PRKCB: variants seen among roughly 807,000 people sequenced by gnomAD.
PRKCB encodes the protein protein kinase C beta.
PRKCB carries 13 observed loss-of-function variants against 81.5 expected under a neutral mutation model. The ratio of observed to expected loss-of-function variants is 0.16; its 90% CI spans 0.10 to 0.25. PRKCB has a LOEUF of 0.25. PRKCB is among the 10% of genes least tolerant of loss of function. The probability of loss-of-function intolerance (pLI) is 1.00; values close to 1 mark genes in which losing one functional copy is unlikely to be tolerated. For missense variants in PRKCB, 509 were observed against 875.7 expected, an observed-to-expected ratio of 0.58 and a Z score of 5.29; for synonymous variants, 335 against 321.4, an observed-to-expected ratio of 1.04 and a Z score of -0.45.
At chr16:24,039,411 G>A (rs546152695) in intron 5 of PRKCB, among the ~76,000 whole-genome samples, 1 of 152,018 alleles carries the variant, frequency 6.6e-6, no homozygotes, top group South Asian at 2.1e-4. Flanking sequence ...TTTATTTTTA[G>A]TAGAGACGGA....
At position 24,074,526 on chromosome 16, in the gene PRKCB, C is replaced by T. The variant is rs146551822; in HGVS notation, c.530-18265C>T. Among the ~76,000 whole-genome samples the T allele has an allele frequency of 6.5e-3, 994 of 152,220 alleles. 16 individuals are homozygous for T. Among genetic ancestry groups the T allele is most frequent in the African/African-American group, 0.023 (944 of 41,530 alleles). On this transcript the variant is annotated intron_variant, in intron 5 of 16. Transcript: ENST00000643927. ...GCTCATATAGTAAGAGCTCATTCAC[C>T]GTCAACTATTATTATTTAATCTATT...
chr16:24,105,181 C>T (rs1463209814), intron 7 of PRKCB, among the ~76,000 whole-genome samples: 7 of 151,974 alleles, frequency 4.6e-5, no homozygotes, highest in Non-Finnish European at 7.4e-5. Flanking sequence ...CTCAGCCTCC[C>T]GAGTAGCAGG....
chr16:24,126,179 T>C (rs1194159050), intron 9 of PRKCB, among the ~76,000 whole-genome samples: 2 of 152,006 alleles, frequency 1.3e-5, no homozygotes, highest in Non-Finnish European at 2.9e-5. Flanking sequence ...GGAAGATGTC[T>C]AGCATAAAGA....
At chr16:23,993,230 G>T (rs1266931653) in intron 3 of PRKCB, among the ~76,000 whole-genome samples, 1 of 152,156 alleles carries the variant, frequency 6.6e-6, no homozygotes, top group African/African-American at 2.4e-5. Context: ...ATGATATTAA[G>T]GGGGTAGGAT....
intron 2 of PRKCB, among the ~76,000 whole-genome samples, chr16:23,987,290 C>T (rs377036870): frequency 2.4e-4 from 37 of 151,524 alleles, no homozygotes; most frequent in East Asian, 9.7e-4. Flanking sequence ...TGAAAATATA[C>T]GTTTCTCGTC....
chr16:24,076,673 C>G (rs74013120), intron 5 of PRKCB, among the ~76,000 whole-genome samples: 3,628 of 152,256 alleles, frequency 0.024, 125 homozygotes, highest in African/African-American at 0.082. Flanking sequence ...AACGTATTAC[C>G]TTGCTACAAG....
chr16:24,105,700 A>T (rs1378283080), intron 7 of PRKCB, among the ~76,000 whole-genome samples: 1 of 152,242 alleles, frequency 6.6e-6, no homozygotes, highest in Non-Finnish European at 1.5e-5. Context: ...TGCAAAGGAC[A>T]TGAACTCATC....
intron 10 of PRKCB, among the ~76,000 whole-genome samples, chr16:24,165,837 G>T: frequency 6.8e-6 from 1 of 146,532 alleles, no homozygotes; most frequent in South Asian, 2.2e-4. Flanking sequence ...AATTTTAGTA[G>T]AAAAGGCAGA....
chr16:23,860,245 A>G (rs1962642774), intron 2 of PRKCB, among the ~76,000 whole-genome samples: 1 of 152,176 alleles, frequency 6.6e-6, no homozygotes, highest in Non-Finnish European at 1.5e-5. Context: ...GTACCAAAAA[A>G]AAGTACTATA....
intron 3 of PRKCB, among the ~76,000 whole-genome samples, chr16:24,003,621 G>T (rs1233136952): frequency 6.6e-6 from 1 of 152,136 alleles, no homozygotes; most frequent in Non-Finnish European, 1.5e-5. Context: ...CTGATCTCAA[G>T]TGATCTCCCT....
intron 8 of PRKCB, among the ~76,000 whole-genome samples, chr16:24,117,891 G>T (rs1378562833): frequency 1.3e-5 from 2 of 152,202 alleles, no homozygotes; most frequent in Non-Finnish European, 2.9e-5. Flanking sequence ...TTATCCGTCG[G>T]CTCCCCTTCC....
chr16:24,108,036 A>C (rs1966599971), intron 7 of PRKCB, among the ~76,000 whole-genome samples: 1 of 152,124 alleles, frequency 6.6e-6, no homozygotes, highest in African/African-American at 2.4e-5. Flanking sequence ...ACACTCTAAC[A>C]CTTGCTCTTC....
chr16:24,038,889 C>T (rs1965660860), intron 5 of PRKCB, among the ~76,000 whole-genome samples: 1 of 152,176 alleles, frequency 6.6e-6, no homozygotes, highest in Non-Finnish European at 1.5e-5. Flanking sequence ...CTGTCGTGTT[C>T]CAGGTCAGTC....
intron 4 of PRKCB, 44 bp from the exon 5 acceptor site, chr16:24,035,375 G>C: frequency 6.3e-7 from 1 of 1,599,512 alleles, no homozygotes. Context: ...GCAGCCCCCA[G>C]CCTGGGCCAG....
At chr16:23,962,727 C>T (rs909446483) in intron 2 of PRKCB, among the ~76,000 whole-genome samples, 1 of 151,762 alleles carries the variant, frequency 6.6e-6, no homozygotes, top group Non-Finnish European at 1.5e-5. Flanking sequence ...GTCCAACAAA[C>T]CAGTCTTTGT....
intron 3 of PRKCB, among the ~76,000 whole-genome samples, chr16:24,018,692 G>A (rs143777075): frequency 4.6e-5 from 7 of 152,202 alleles, no homozygotes; most frequent in East Asian, 1.9e-4. Context: ...CCAAATGGGC[G>A]GGGTTAGAAG....
intron 16 of PRKCB, among the ~76,000 whole-genome samples, chr16:24,211,324 G>T (rs1209620964): frequency 6.6e-6 from 1 of 152,224 alleles, no homozygotes; most frequent in Non-Finnish European, 1.5e-5. Flanking sequence ...GTAGGGATTT[G>T]TAGTAGAAAA....
chr16:24,123,905 A>G lies in PRKCB; in HGVS notation c.989A>G (p.Asn330Ser). Reference protein sequence around the residue: ...KTTNTVSKFDNNGNRDRMKLT... With the variant: ...KTTNTVSKFDSNGNRDRMKLT... ...ACCAACACTGTCTCCAAATTTGACA[A>G]CAATGGCAACAGAGACCGGATGAAA... The change falls in exon 9 of 17, where the codon AAC becomes AGC. Residue 330 changes from asparagine to serine, a missense_variant. Transcript: ENST00000643927. 1 of 1,614,182 alleles carries G rather than the reference A, an allele frequency of 6.2e-7. No individual in the cohort carries two copies.
At chr16:24,088,297 G>A (rs970362685) in intron 5 of PRKCB, among the ~76,000 whole-genome samples, 1 of 152,156 alleles carries the variant, frequency 6.6e-6, no homozygotes, top group Non-Finnish European at 1.5e-5. Flanking sequence ...GCATTCCGTT[G>A]CACAGAAAGT....
Sources: gnomAD v4.1 joint callset for allele counts (sites outside exome capture counted in the v4.1 genomes callset) on GRCh38, gnomAD v4.1.1 for gene constraint, MANE v1.5 for transcripts, NCBI Gene and HGNC (gene_info 2026-07-23, HGNC 2026-07-21) for gene names.